The following FMNL2 variants were observed in gnomAD, a reference collection of about 807,000 sequenced individuals.
FMNL2 encodes the protein formin-like protein 2.
Under a neutral mutation model 130.2 loss-of-function variants are expected in FMNL2, and 51 were observed. The ratio of observed to expected loss-of-function variants is 0.39; its 90% CI spans 0.31 to 0.49. FMNL2 has a LOEUF of 0.49. FMNL2 is among the 20% of genes least tolerant of loss of function. The pLI is 0.85. For synonymous variants in FMNL2, 465 were observed against 467.1 expected (o/e 1.00, Z 0.06); for missense variants, 977 against 1,316.2 (o/e 0.74, Z 3.99).
intron 7 of FMNL2, among the ~76,000 whole-genome samples, chr2:152,575,794 A>G (rs1696443313): frequency 6.6e-6 from 1 of 152,162 alleles, no homozygotes; most frequent in Admixed American, 6.5e-5. Flanking sequence ...GTTATATGGC[A>G]AACAGGCAAA....
chr2:152,581,304 T>C (rs1387670093), intron 9 of FMNL2, among the ~76,000 whole-genome samples: 1 of 152,240 alleles, frequency 6.6e-6, no homozygotes, highest in Non-Finnish European at 1.5e-5. Context: ...TTAGGGAACA[T>C]GGAATAATCC....
intron 24 of FMNL2, 32 bp downstream of exon 24, chr2:152,640,088 G>A (rs746925273): frequency 2.4e-5 from 36 of 1,513,550 alleles, no homozygotes; most frequent in Admixed American, 1.4e-4. Flanking sequence ...AGACAGGTCC[G>A]TGAGGAGAGG....
At chr2:152,337,937 C>G (rs1314912249) in intron 1 of FMNL2, among the ~76,000 whole-genome samples, 1 of 151,902 alleles carries the variant, frequency 6.6e-6, no homozygotes, top group Non-Finnish European at 1.5e-5. Flanking sequence ...TCCACTTGCT[C>G]TTTGACAATC....
chr2:152,345,273 A>G (rs1359590234), intron 1 of FMNL2, among the ~76,000 whole-genome samples: 1 of 152,214 alleles, frequency 6.6e-6, no homozygotes, highest in African/African-American at 2.4e-5. Context: ...GGGGAAGGTA[A>G]AGAAGATGAC....
chr2:152,544,108 A>G (rs1464877560), intron 3 of FMNL2, among the ~76,000 whole-genome samples: 1 of 152,130 alleles, frequency 6.6e-6, no homozygotes, highest in Non-Finnish European at 1.5e-5. Flanking sequence ...CATCATTTAA[A>G]GAGGTCTGTA....
chr2:152,619,800 T>A (rs1187218658), intron 15 of FMNL2, 82 bp downstream of exon 15: 1 of 1,534,096 alleles, frequency 6.5e-7, no homozygotes, highest in East Asian at 2.4e-5. Context: ...TCTTTCAAAG[T>A]CCAGGTCTCT....
intron 1 of FMNL2, among the ~76,000 whole-genome samples, chr2:152,468,582 T>C (rs544834274): frequency 3.9e-5 from 6 of 152,368 alleles, no homozygotes; most frequent in African/African-American, 1.4e-4. Flanking sequence ...TTTGCATTTT[T>C]TCCCCTACTT....
intron 1 of FMNL2, among the ~76,000 whole-genome samples, chr2:152,416,476 C>T (rs1299500426): frequency 2.0e-5 from 3 of 152,174 alleles, no homozygotes; most frequent in Admixed American, 1.3e-4. Flanking sequence ...GAGTTTATCC[C>T]CCACTGGAGA....
At chr2:152,358,653 C>T (rs1190701682) in intron 1 of FMNL2, among the ~76,000 whole-genome samples, 2 of 149,470 alleles carry the variant, frequency 1.3e-5, no homozygotes, top group East Asian at 3.9e-4. Context: ...AAAAAAAATT[C>T]TGTGAATAAA....
intron 1 of FMNL2, among the ~76,000 whole-genome samples, chr2:152,414,747 C>T (rs1339269616): frequency 6.6e-6 from 1 of 152,198 alleles, no homozygotes; most frequent in Non-Finnish European, 1.5e-5. Flanking sequence ...AACTCTGCAC[C>T]TTCTACCAGT....
At chr2:152,372,116 G>T (rs1443407786) in intron 1 of FMNL2, among the ~76,000 whole-genome samples, 2 of 152,160 alleles carry the variant, frequency 1.3e-5, no homozygotes, top group East Asian at 3.8e-4. Context: ...CCTCAATTTG[G>T]TGGGGAGAAA....
intron 1 of FMNL2, among the ~76,000 whole-genome samples, chr2:152,364,996 T>C (rs1281183900): frequency 6.6e-6 from 1 of 152,264 alleles, no homozygotes; most frequent in African/African-American, 2.4e-5. Flanking sequence ...ATTGCACACC[T>C]GTGTGCCCAG....
intron 9 of FMNL2, among the ~76,000 whole-genome samples, chr2:152,593,884 TGTGTGTGTGTGTGTGTGTGA>T (rs1697596166): frequency 6.4e-5 from 7 of 108,638 alleles, no homozygotes; most frequent in African/African-American, 2.0e-4. Flanking sequence ...TGTGTGTGTG[TGTGTGTGTGTGTGTGTGTGA>T]GAGAGAGAGA....
chr2:152,492,824 A>C (rs6434062), intron 1 of FMNL2, among the ~76,000 whole-genome samples: 61,051 of 152,036 alleles, frequency 0.4, 12,856 homozygotes, highest in East Asian at 0.67. Context: ...TTGTTTTAAC[A>C]AAGAGGCAGT....
intron 16 of FMNL2, among the ~76,000 whole-genome samples, 185 bp from the exon 17 acceptor site, chr2:152,626,340 G>T (rs1012874272): frequency 4.6e-5 from 7 of 152,222 alleles, no homozygotes; most frequent in Non-Finnish European, 5.9e-5. Flanking sequence ...TCCGACCTAT[G>T]TTCACTTTTG....
At chr2:152,368,582 G>A (rs936074639) in intron 1 of FMNL2, among the ~76,000 whole-genome samples, 1 of 152,042 alleles carries the variant, frequency 6.6e-6, no homozygotes, top group Non-Finnish European at 1.5e-5. Context: ...ATGGTCTTTG[G>A]CATTCTTTTG....
chr2:152,343,798 G>A (rs983696402), intron 1 of FMNL2, among the ~76,000 whole-genome samples: 23 of 151,508 alleles, frequency 1.5e-4, no homozygotes, highest in African/African-American at 5.1e-4. Flanking sequence ...AAGGGTATTG[G>A]TAAGTTAAAG....
intron 1 of FMNL2, among the ~76,000 whole-genome samples, chr2:152,518,838 C>T (rs1692918058): frequency 6.6e-6 from 1 of 152,194 alleles, no homozygotes; most frequent in Non-Finnish European, 1.5e-5. Context: ...AATCTGTTCT[C>T]CTCATAGCAC....
chr2:152,603,357 G>A (rs1171567671), intron 9 of FMNL2, among the ~76,000 whole-genome samples: 1 of 149,762 alleles, frequency 6.7e-6, no homozygotes, highest in Non-Finnish European at 1.5e-5. Context: ...GGTTATTTTC[G>A]CCAAGTTCAT....
Sources: gnomAD v4.1 joint callset for allele counts (sites outside exome capture counted in the v4.1 genomes callset) on GRCh38, gnomAD v4.1.1 for gene constraint, MANE v1.5 for transcripts, NCBI Gene and HGNC (gene_info 2026-07-23, HGNC 2026-07-21) for gene names.